ANKFN1: variants seen among roughly 807,000 people sequenced by gnomAD.
ANKFN1 encodes the protein ankyrin repeat and fibronectin type III domain containing 1.
In ANKFN1, 74 loss-of-function variants were observed where a neutral mutation model predicts 108.7. The ratio of observed to expected loss-of-function variants is 0.68; its 90% CI spans 0.56 to 0.83. The LOEUF (loss-of-function observed/expected upper bound fraction) is 0.83, where lower values mean the gene tolerates loss of function less well. Ranked by LOEUF, ANKFN1 falls within the 40% of genes least tolerant of loss-of-function variation. ANKFN1 has a pLI of 0.00. For missense variants in ANKFN1, 1,505 were observed against 1,382.3 expected, an observed-to-expected ratio of 1.09 and a Z score of -1.41; for synonymous variants, 547 against 516.2, an observed-to-expected ratio of 1.06 and a Z score of -0.81.
chr17:56,489,018 G>C (rs564315973), intron 18 of ANKFN1, among the ~76,000 whole-genome samples: 1 of 152,210 alleles, frequency 6.6e-6, no homozygotes, highest in African/African-American at 2.4e-5. Context: ...CTGTGTTAGA[G>C]ATGAGAAAAG....
chr17:56,407,937 T>TG (rs2047971187), intron 8 of ANKFN1, among the ~76,000 whole-genome samples: 1 of 130,630 alleles, frequency 7.7e-6, no homozygotes, highest in Admixed American at 7.3e-5. Context: ...TTATCTTTTT[T>TG]TTTTTTTTTT....
At chr17:56,508,631 T>C (rs1408646476) in intron 20 of ANKFN1, among the ~76,000 whole-genome samples, 2 of 152,200 alleles carry the variant, frequency 1.3e-5, no homozygotes, top group African/African-American at 4.8e-5. Flanking sequence ...GACATAGAGA[T>C]GAATGAATGG....
chr17:56,293,689 G>A (rs1039756834), intron 3 of ANKFN1, among the ~76,000 whole-genome samples: 3 of 152,196 alleles, frequency 2.0e-5, no homozygotes, highest in Non-Finnish European at 2.9e-5. Flanking sequence ...GGAGACTTGT[G>A]ACCCCAAATC....
intron 3 of ANKFN1, among the ~76,000 whole-genome samples, chr17:56,280,008 C>CTTTTTTTTTTTTTTTTTTTT (rs3086033): frequency 1.5e-5 from 2 of 134,860 alleles, no homozygotes; most frequent in African/African-American, 5.9e-5. Flanking sequence ...CACATAATGT[C>CTTTTTTTTTTTTTTTTTTTT]TTTTTTTTTT....
intron 15 of ANKFN1, among the ~76,000 whole-genome samples, chr17:56,470,121 T>C (rs1444264323): frequency 2.0e-5 from 3 of 152,220 alleles, no homozygotes; most frequent in Non-Finnish European, 4.4e-5. Context: ...CATGATCTCA[T>C]TCCTTCTTAT....
chr17:56,149,149 G>A (rs967494078), upstream of ANKFN1, among the ~76,000 whole-genome samples: 1 of 152,108 alleles, frequency 6.6e-6, no homozygotes, highest in Non-Finnish European at 1.5e-5. Context: ...AGAGGGGGTA[G>A]TCTTTTCCGG....
At chr17:56,239,739 G>A (rs372658714) in intron 3 of ANKFN1, among the ~76,000 whole-genome samples, 16 of 151,960 alleles carry the variant, frequency 1.1e-4, no homozygotes, top group South Asian at 2.1e-4. Flanking sequence ...TCTAAACTCC[G>A]AAGAAAAAAA....
chr17:56,133,258 C>T (rs183256327), intron 4 of ANKFN1, among the ~76,000 whole-genome samples: 6 of 152,228 alleles, frequency 3.9e-5, no homozygotes, highest in Middle Eastern at 3.4e-3. Flanking sequence ...CTCAAGTGAA[C>T]AGGTTCATCA....
Position 56,515,973 on chromosome 17 carries a change from T to G in ANKFN1, c.*4704T>G, listed in dbSNP as rs534277909. Among the ~76,000 whole-genome samples the G allele has an allele frequency of 2.0e-5, 3 of 152,188 alleles. No individual in the cohort carries two copies. In the East Asian group the frequency reaches 5.8e-4, roughly 29 times the overall value. On this transcript the variant is annotated 3_prime_UTR_variant, in exon 21 of 21. Transcript: ENST00000682825. ...ATCATAGGGTCTTTCTCCTACAGAT[T>G]TTTTTTTATTTTAGCAAAAGCCAAT...
chr17:56,300,630 G>C (rs926792383), intron 3 of ANKFN1, among the ~76,000 whole-genome samples: 1 of 149,072 alleles, frequency 6.7e-6, no homozygotes, highest in African/African-American at 2.5e-5. Flanking sequence ...TGAACTGAAA[G>C]TCTCAAAGTC....
chr17:56,269,078 T>C (rs993081497), intron 3 of ANKFN1, among the ~76,000 whole-genome samples: 1 of 152,162 alleles, frequency 6.6e-6, no homozygotes, highest in Non-Finnish European at 1.5e-5. Context: ...GTTTCCCCAT[T>C]TGACTCAGAT....
chr17:56,130,874 T>C (rs1161455262), intron 4 of ANKFN1, among the ~76,000 whole-genome samples: 2 of 152,098 alleles, frequency 1.3e-5, no homozygotes, highest in African/African-American at 4.8e-5. Flanking sequence ...TTGTCAAACC[T>C]CCTTGGACTG....
intron 4 of ANKFN1, among the ~76,000 whole-genome samples, chr17:56,350,108 A>G (rs1031845908): frequency 2.0e-5 from 3 of 152,156 alleles, no homozygotes; most frequent in African/African-American, 7.2e-5. Flanking sequence ...TACTAATTGA[A>G]GAATGCCAGT....
intron 18 of ANKFN1, among the ~76,000 whole-genome samples, chr17:56,491,972 C>G (rs2051053782): frequency 6.6e-6 from 1 of 152,140 alleles, no homozygotes; most frequent in Non-Finnish European, 1.5e-5. Flanking sequence ...CCATACCTTA[C>G]TAGGAGTTGG....
chr17:56,251,189 G>A (rs576818270), intron 3 of ANKFN1, among the ~76,000 whole-genome samples: 3 of 152,070 alleles, frequency 2.0e-5, no homozygotes, highest in Admixed American at 6.6e-5. Flanking sequence ...CCAGGAGTTC[G>A]AGACCAGCCT....
chr17:56,270,717 C>G (rs1392741711), intron 3 of ANKFN1, among the ~76,000 whole-genome samples: 1 of 152,178 alleles, frequency 6.6e-6, no homozygotes, highest in Non-Finnish European at 1.5e-5. Flanking sequence ...TCTCCTCATT[C>G]ACTCTACTGC....
At chr17:56,180,319 C>A (rs1911570170) in intron 1 of ANKFN1, among the ~76,000 whole-genome samples, 1 of 152,190 alleles carries the variant, frequency 6.6e-6, no homozygotes, top group African/African-American at 2.4e-5. Flanking sequence ...GTCAGCGTGT[C>A]TGTGGTCCTC....
At chr17:56,068,562 A>G (rs1905087162) in intron 4 of ANKFN1, among the ~76,000 whole-genome samples, 1 of 152,228 alleles carries the variant, frequency 6.6e-6, no homozygotes, top group Non-Finnish European at 1.5e-5. Flanking sequence ...GCCCCAGGGC[A>G]CACAGCAGGT....
chr17:56,242,091 G>GA (rs751774921), intron 3 of ANKFN1, among the ~76,000 whole-genome samples: 75 of 151,028 alleles, frequency 5.0e-4, no homozygotes, highest in Non-Finnish European at 9.0e-4. Flanking sequence ...TTAAACCACA[G>GA]AAAATGAAAC....
Sources: gnomAD v4.1 joint callset for allele counts (sites outside exome capture counted in the v4.1 genomes callset) on GRCh38, gnomAD v4.1.1 for gene constraint, MANE v1.5 for transcripts, NCBI Gene and HGNC (gene_info 2026-07-23, HGNC 2026-07-21) for gene names.